DLG2: variants seen among roughly 807,000 people sequenced by gnomAD.
DLG2 encodes disks large homolog 2.
A neutral mutation model predicts 132.5 loss-of-function variants in DLG2; 45 were observed. That is an observed-to-expected ratio of 0.34 (90% CI 0.27 to 0.44). The LOEUF is 0.44. DLG2 is among the 20% of genes least tolerant of loss of function. The pLI, the probability that DLG2 is intolerant of heterozygous loss-of-function variation, is 1.00. For missense variants in DLG2, 1,045 were observed against 1,196.9 expected (o/e 0.87, Z 1.87); for synonymous variants, 424 against 419.6 (o/e 1.01, Z -0.13).
intron 21 of DLG2, among the ~76,000 whole-genome samples, chr11:83,485,664 C>T (rs1303709408): frequency 2.0e-5 from 3 of 152,132 alleles, no homozygotes; most frequent in Non-Finnish European, 4.4e-5. Context: ...GAAAGGACAC[C>T]TGTTTGGATG....
intron 4 of DLG2, among the ~76,000 whole-genome samples, chr11:85,212,641 T>C (rs2082325439): frequency 6.6e-6 from 1 of 152,178 alleles, no homozygotes; most frequent in Non-Finnish European, 1.5e-5. Context: ...TCAGCATTTC[T>C]GCATCTGCTA....
intron 14 of DLG2, among the ~76,000 whole-genome samples, chr11:83,957,930 T>A (rs1286590635): frequency 6.6e-6 from 1 of 152,224 alleles, no homozygotes; most frequent in East Asian, 1.9e-4. Flanking sequence ...CTACTTCATA[T>A]TGTTCTCTTC....
At chr11:84,180,798 G>A (rs542639809) in intron 8 of DLG2, among the ~76,000 whole-genome samples, 28 of 151,984 alleles carry the variant, frequency 1.8e-4, no homozygotes, top group African/African-American at 6.7e-4. Flanking sequence ...GGGAGAAAAA[G>A]ACCAAAGTAA....
chr11:83,982,436 ATG>A (rs1165266567), intron 11 of DLG2, among the ~76,000 whole-genome samples: 66 of 149,590 alleles, frequency 4.4e-4, no homozygotes, highest in African/African-American at 1.6e-3. Context: ...GCCTAGGCTA[ATG>A]TGTGTGTTTG....
At chr11:85,487,585 T>G (rs1332733484) in intron 3 of DLG2, among the ~76,000 whole-genome samples, 1 of 151,592 alleles carries the variant, frequency 6.6e-6, no homozygotes, top group Non-Finnish European at 1.5e-5. Flanking sequence ...AGAAACAATT[T>G]CATAACTTGA....
chr11:83,955,749 A>G (rs1322139523), intron 14 of DLG2, among the ~76,000 whole-genome samples: 1 of 152,208 alleles, frequency 6.6e-6, no homozygotes, highest in Non-Finnish European at 1.5e-5. Context: ...GGATAAAAGC[A>G]GGCAGAGGAA....
intron 3 of DLG2, among the ~76,000 whole-genome samples, chr11:85,468,988 T>C (rs890706984): frequency 1.3e-5 from 2 of 152,124 alleles, no homozygotes; most frequent in African/African-American, 2.4e-5. Context: ...CTTGCAAAGG[T>C]GGTTTCACTC....
rs536543264 is a variant in DLG2, at chr11:84,711,456, G to A, written c.358-176725C>T. 4.2e-3 allele frequency among the ~76,000 whole-genome samples: 501 copies of A among 119,268 alleles called. 2 individuals carry two copies. Among genetic ancestry groups the A allele is most frequent in the Middle Eastern group, 0.017 (2 of 118 alleles). 78.2% of individuals were successfully genotyped at this position (119,268 alleles called of 152,430 possible). ...CATATGAATTGGTTCCCATTATCAC[G>A]GAGGTTTTGTCCCAAGGTCAGCAGT... On this transcript the variant is annotated intron_variant, in intron 6 of 27. Coordinates refer to ENST00000376104, the MANE Select transcript of DLG2 (RefSeq NM_001142699.3).
chr11:85,181,537 T>G (rs2079703595), intron 4 of DLG2, among the ~76,000 whole-genome samples: 1 of 151,714 alleles, frequency 6.6e-6, no homozygotes, highest in Non-Finnish European at 1.5e-5. Flanking sequence ...GCAGTTCTCC[T>G]TTTAAAATTT....
chr11:84,968,323 G>C (rs1277347063), intron 6 of DLG2, among the ~76,000 whole-genome samples: 1 of 152,080 alleles, frequency 6.6e-6, no homozygotes, highest in African/African-American at 2.4e-5. Flanking sequence ...GAATGGAGGA[G>C]AATATAACAG....
chr11:84,114,226 G>T (rs1450259315), intron 9 of DLG2, among the ~76,000 whole-genome samples: 1 of 151,928 alleles, frequency 6.6e-6, no homozygotes, highest in Non-Finnish European at 1.5e-5. Context: ...AACTATAGGA[G>T]CTCTTCATGA....
chr11:84,055,706 A>C (rs1459985293), intron 11 of DLG2, among the ~76,000 whole-genome samples: 1 of 152,096 alleles, frequency 6.6e-6, no homozygotes, highest in Admixed American at 6.6e-5. Context: ...ACTTGCTTAC[A>C]GAAGTCTCCT....
intron 7 of DLG2, among the ~76,000 whole-genome samples, chr11:84,320,050 T>C (rs2098395339): frequency 6.6e-6 from 1 of 152,200 alleles, no homozygotes; most frequent in Non-Finnish European, 1.5e-5. Flanking sequence ...TGATCAACTA[T>C]AATTGGACAA....
chr11:84,090,424 A>T (rs2097071708), intron 10 of DLG2, among the ~76,000 whole-genome samples: 1 of 151,820 alleles, frequency 6.6e-6, no homozygotes. Context: ...CAAAAAAAAA[A>T]AAAAAAAAAA....
intron 19 of DLG2, among the ~76,000 whole-genome samples, chr11:83,551,874 T>TA (rs2096399560): frequency 1.3e-5 from 2 of 152,204 alleles, no homozygotes; most frequent in Non-Finnish European, 2.9e-5. Flanking sequence ...TGCCAGGCAC[T>TA]CTATAGTTTG....
At chr11:85,301,309 G>A (rs574465939) in intron 3 of DLG2, among the ~76,000 whole-genome samples, 9 of 152,036 alleles carry the variant, frequency 5.9e-5, no homozygotes, top group Non-Finnish European at 1.3e-4. Context: ...TTCTGAACTC[G>A]GTTTTTAGGA....
intron 7 of DLG2, among the ~76,000 whole-genome samples, chr11:84,353,245 T>A (rs889989610): frequency 6.6e-6 from 1 of 152,124 alleles, no homozygotes; most frequent in African/African-American, 2.4e-5. Context: ...CAATAGACAG[T>A]TTTAGGATTT....
chr11:85,337,560 T>A (rs1022020279), intron 3 of DLG2, among the ~76,000 whole-genome samples: 3 of 152,208 alleles, frequency 2.0e-5, no homozygotes, highest in African/African-American at 4.8e-5. Context: ...TTAGCAAACA[T>A]CTTAGGTAAC....
chr11:84,213,026 G>T (rs1381389337), intron 8 of DLG2, among the ~76,000 whole-genome samples: 2 of 152,176 alleles, frequency 1.3e-5, no homozygotes, highest in Non-Finnish European at 2.9e-5. Context: ...GCCACATTGT[G>T]TGAGCCACAC....
Sources: allele counts gnomAD v4.1 joint callset (sites outside exome capture counted in the v4.1 genomes callset), GRCh38; gene constraint gnomAD v4.1.1; transcripts MANE v1.5; gene names NCBI Gene and HGNC (gene_info 2026-07-23, HGNC 2026-07-21).